The following ACY1 variants were observed in gnomAD, a reference collection of about 807,000 sequenced individuals.
The protein encoded by ACY1 is aminoacylase 1.
In ACY1, 38 loss-of-function variants were observed where a neutral mutation model predicts 53.3. That is an observed-to-expected ratio of 0.71 (90% CI 0.55 to 0.93). The LOEUF (loss-of-function observed/expected upper bound fraction) is 0.93, where lower values mean the gene tolerates loss of function less well. Among genes scored for constraint, ACY1 ranks in the 40% least tolerant of loss-of-function variants. ACY1 has a pLI of 0.00. For missense variants in ACY1, 484 were observed against 540.9 expected (o/e 0.89, Z 1.04); for synonymous variants, 177 against 202.1 (o/e 0.88, Z 1.05).
rs1243018033 is a variant in ACY1, at chr3:51,983,971, T to C, written c.-18-76T>C. ...CCTGTGGGAAGTCCGGGAGCCGCCG[T>C]GGGGACAGGCTGTGTGCAGGAGCTC... On this transcript the variant is annotated intron_variant, in intron 1 of 14. Transcript: ENST00000636358. 4.5e-6 allele frequency: 5 copies of C among 1,102,592 alleles called. No homozygotes were observed. The East Asian group carries it at 9.4e-5, about 21-fold the overall frequency. The allele number at this position is 1,102,592 out of a possible 1,614,324, so 68.3% of individuals were successfully genotyped here. A position where few individuals can be genotyped will look rare whatever the true frequency, so the allele number is the denominator to read the frequency against.
Position 51,985,878 on chromosome 3 carries a change from G to C in ACY1, c.291G>C (p.Glu97Asp), listed in dbSNP as rs1434617530. 1.2e-6 allele frequency: 2 copies of C among 1,613,542 alleles called. No individual in the cohort carries two copies. Among genetic ancestry groups the C allele is most frequent in the African/African-American group, 2.7e-5 (2 of 74,882 alleles). Residue 97 changes from glutamate (E) to aspartate (D), a missense_variant, in exon 5 of 15, where the codon GAG becomes GAC. Coordinates refer to ENST00000636358, the MANE Select transcript of ACY1 (RefSeq NM_000666.3). ...FKEHWSHDPF[E>D]AFKDSEGYIY... ...AACATTGGAGTCACGACCCCTTTGA[G>C]GCCTTCAAGGATTCTGAGGGCTACA...
chr3:51,985,804 A>C, intron 4 of ACY1, 48 bp from the exon 5 acceptor site: 1 of 1,521,690 alleles, frequency 6.6e-7, no homozygotes, highest in Non-Finnish European at 9.0e-7. Context: ...AGAGTGGATT[A>C]ATGGCTAAAT....
intron 12 of ACY1, chr3:51,987,850 G>A (rs1701129672): frequency 3.6e-6 from 2 of 559,558 alleles, no homozygotes; most frequent in Non-Finnish European, 6.4e-6. Flanking sequence ...TGGTGAAACG[G>A]GGAGATATAA....
At chr3:51,985,812 A>C in intron 4 of ACY1, 40 bp from the exon 5 acceptor site, 2 of 1,568,418 alleles carry the variant, frequency 1.3e-6, no homozygotes, top group Non-Finnish European at 1.7e-6. Flanking sequence ...TTAATGGCTA[A>C]ATTTGGGGTT....
In ACY1 at chr3:51,988,991, G is replaced by A; in HGVS notation, c.1143G>A (p.Glu381=). 6.2e-7 allele frequency: 1 copy of A among 1,614,176 alleles called. No homozygotes were observed. Among genetic ancestry groups the A allele is most frequent in the Non-Finnish European group, 8.5e-7 (1 of 1,180,032 alleles). Residue 381 remains glutamate (E), a synonymous_variant, in exon 15 of 15, where the codon GAG becomes GAA. Coordinates refer to ENST00000636358, the MANE Select transcript of ACY1 (RefSeq NM_000666.3). The part of the protein sequence containing the change: ...LLHDHDERLH[E]AVFLRGVDIY... ...ACGACCACGATGAACGGCTGCATGA[G>A]GCTGTGTTCCTCCGTGGGGTGGACA... is the stretch of plus-strand genomic sequence containing the variant.
At position 51,984,158 on chromosome 3, in the gene ACY1, G is replaced by T. The variant is rs1010960090; in HGVS notation, c.94G>T (p.Gly32Ter). The T allele has an allele frequency of 6.2e-7, 1 of 1,613,838 alleles. No individual in the cohort carries two copies. The highest frequency in any genetic ancestry group is 8.5e-7 in the Non-Finnish European group (1 of 1,179,984). Residue 32 changes from glycine to a stop codon, truncating the protein, a stop_gained and splice_region_variant, in exon 2 of 15, where the codon GGA (glycine) becomes TGA (stop). Transcript: ENST00000636358. LOFTEE classifies it high-confidence loss of function. ...CACTGTCCAGCCCAAGCCTGACTAT[G>T]GTGAGAAGACGGTGGTTCCAGAGCC... is the stretch of plus-strand genomic sequence containing the variant. ...IRTVQPKPDY[G>*]AAVAFFEETA...
chr3:51,988,954 C>G lies in ACY1; in HGVS notation c.1106C>G (p.Pro369Arg). 1 of 1,614,242 alleles carries G rather than the reference C, an allele frequency of 6.2e-7. No individual in the cohort carries two copies. Among genetic ancestry groups the G allele is most frequent in the South Asian group, 1.1e-5 (1 of 91,086 alleles). Residue 369 changes from proline (P) to arginine (R), a missense_variant, in exon 15 of 15, where the codon CCT (proline) becomes CGT (arginine). Transcript: ENST00000636358. ...ALGFSPMNRT[P>R]VLLHDHDERL... is the part of the protein sequence containing the mutation. The stretch of plus-strand genomic sequence containing the variant: ...GGCTTCTCACCCATGAACCGCACAC[C>G]TGTGCTGCTGCACGACCACGATGAA...
intron 12 of ACY1, 117 bp from the exon 13 acceptor site, chr3:51,988,407 G>C (rs1701148689): frequency 1.1e-6 from 1 of 887,050 alleles, no homozygotes; most frequent in Non-Finnish European, 1.9e-6. Flanking sequence ...AGATGTCTGG[G>C]TAGGTGAAGG....
At chr3:51,984,274 C>T in intron 2 of ACY1, 116 bp downstream of exon 2, 1 of 905,894 alleles carries the variant, frequency 1.1e-6, no homozygotes. Flanking sequence ...TCCCAAATGG[C>T]TCCCCAACCC....
chr3:51,985,553 G>A (rs1559779333), intron 4 of ACY1, 88 bp downstream of exon 4: 2 of 1,320,106 alleles, frequency 1.5e-6, no homozygotes, highest in Non-Finnish European at 1.1e-6. Flanking sequence ...GTTGCTCATG[G>A]TCCTGGCCCC....
intron 12 of ACY1, 68 bp from the exon 13 acceptor site, chr3:51,988,456 A>C (rs1009719242): frequency 6.9e-7 from 1 of 1,445,922 alleles, no homozygotes; most frequent in African/African-American, 1.4e-5. Context: ...GGCACAGCCC[A>C]CTCTATGGGA....
chr3:51,987,787 G>A, intron 12 of ACY1, 163 bp downstream of exon 12: 1 of 768,206 alleles, frequency 1.3e-6, no homozygotes. Flanking sequence ...GGCCACTGTG[G>A]GTGCTGGGGA....
intron 12 of ACY1, 141 bp downstream of exon 12, chr3:51,987,765 A>G: frequency 2.1e-6 from 2 of 974,688 alleles, no homozygotes; most frequent in South Asian, 1.6e-5. Flanking sequence ...TCCAACAAGC[A>G]TTCATTGTAG....
At chr3:51,985,659 G>A (rs537063139) in intron 4 of ACY1, among the ~76,000 whole-genome samples, 193 bp from the exon 5 acceptor site, 7 of 152,094 alleles carry the variant, frequency 4.6e-5, no homozygotes, top group Admixed American at 1.3e-4. Context: ...GGTGGGGACT[G>A]GGGGGTGGGA....
intron 4 of ACY1, 32 bp from the exon 5 acceptor site, chr3:51,985,820 G>A (rs776185574): frequency 1.3e-6 from 2 of 1,593,592 alleles, no homozygotes; most frequent in South Asian, 1.1e-5. Context: ...TAAATTTGGG[G>A]TTTGGGCCCC....
rs757575874 is a variant in ACY1, at chr3:51,986,396, G to A, written c.437-19G>A. ...GGGCGGGGCAGCCTCCTCATCTCAC[G>A]TCCCTGCTGCTTTTACAGATGAGGA... is the stretch of plus-strand genomic sequence containing the variant. On this transcript the variant is annotated intron_variant, in intron 6 of 14. Coordinates refer to ENST00000636358, the MANE Select transcript of ACY1 (RefSeq NM_000666.3). 6.9e-5 allele frequency: 111 copies of A among 1,608,630 alleles called. No homozygotes were observed. Among genetic ancestry groups the A allele is most frequent in the Middle Eastern group, 3.3e-4 (2 of 5,994 alleles).
Position 51,988,587 on chromosome 3 carries a change from C to T in ACY1, c.985C>T (p.Arg329Trp), listed in dbSNP as rs1040365891. ...AAACCCTTGGTGGGCAGCTTTTAGC[C>T]GGGTCTGCAAGGATATGTGAGCACG... The part of the protein sequence containing the change: ...DSNPWWAAFS[R>W]VCKDMNLTLE... The change falls in exon 13 of 15, where the codon CGG (arginine) becomes TGG (tryptophan). Residue 329 changes from arginine to tryptophan, a missense_variant. Arg to Trp is a moderately radical substitution (Grantham distance 101, BLOSUM62 -3). Coordinates refer to ENST00000636358, the MANE Select transcript of ACY1 (RefSeq NM_000666.3). 19 of 1,614,146 alleles carry T rather than the reference C, an allele frequency of 1.2e-5. No homozygotes were observed. Among genetic ancestry groups the T allele is most frequent in the East Asian group, 4.5e-5 (2 of 44,884 alleles).
chr3:51,986,796 T>C, intron 8 of ACY1, 135 bp downstream of exon 8: 1 of 1,311,830 alleles, frequency 7.6e-7, no homozygotes, highest in Non-Finnish European at 1.1e-6. Flanking sequence ...ACCTCCCAGC[T>C]CTTTCCTATC....
rs371970249 is a variant in ACY1 at position 51,987,648 on chromosome 3, G to A, written c.921+24G>A. On this transcript the variant is annotated intron_variant, in intron 12 of 14. Coordinates refer to ENST00000636358, the MANE Select transcript of ACY1 (RefSeq NM_000666.3). ...AGGTATGGACTTGGGACATGTGATG[G>A]GAGAGTGTGGGAGCCGGGGGAGACC... is the stretch of plus-strand genomic sequence containing the variant. 1.6e-5 allele frequency: 25 copies of A among 1,611,328 alleles called. No homozygotes were observed. The East Asian group carries it at 5.6e-4, about 36-fold the overall frequency.
Sources: gnomAD v4.1 joint callset for allele counts (sites outside exome capture counted in the v4.1 genomes callset) on GRCh38, gnomAD v4.1.1 for gene constraint, MANE v1.5 for transcripts, NCBI Gene and HGNC (gene_info 2026-07-23, HGNC 2026-07-21) for gene names.